The following MARK2 variants were observed in gnomAD, a reference collection of about 807,000 sequenced individuals.
MARK2 encodes the protein serine/threonine-protein kinase MARK2.
Under a neutral mutation model 89.8 loss-of-function variants are expected in MARK2, and 16 were observed. The observed-to-expected ratio is 0.18, with a 90% CI of 0.12 to 0.27. The LOEUF (loss-of-function observed/expected upper bound fraction) is 0.27. Ranked by LOEUF, MARK2 falls within the 10% of genes least tolerant of loss-of-function variation. The pLI is 1.00. For missense variants in MARK2, 621 were observed against 1,049.9 expected, an observed-to-expected ratio of 0.59 and a Z score of 5.65; for synonymous variants, 382 against 399.5, an observed-to-expected ratio of 0.96 and a Z score of 0.52.
chr11:63,851,840 A>G (rs2016587491), intron 1 of MARK2, among the ~76,000 whole-genome samples: 2 of 151,886 alleles, frequency 1.3e-5, no homozygotes, highest in Admixed American at 1.3e-4. Context: ...TAGGGACAGC[A>G]TTCTGGTTTC....
At chr11:63,870,117 C>G (rs924889668) in intron 1 of MARK2, among the ~76,000 whole-genome samples, 10 of 152,176 alleles carry the variant, frequency 6.6e-5, no homozygotes, top group Non-Finnish European at 1.5e-4. Flanking sequence ...AGAAGGCAAG[C>G]TGGGAAAGGA....
chr11:63,876,921 T>G (rs1938793266), intron 1 of MARK2, among the ~76,000 whole-genome samples: 1 of 151,914 alleles, frequency 6.6e-6, no homozygotes, highest in South Asian at 2.1e-4. Context: ...CGAGCTAATC[T>G]CACTGAAGAG....
chr11:63,888,956 T>G (rs777889705), intron 1 of MARK2: 3 of 1,351,646 alleles, frequency 2.2e-6, no homozygotes, highest in Non-Finnish European at 2.9e-6. Flanking sequence ...TTTCCCTTTC[T>G]CCAGTCGGGT....
In MARK2 at chr11:63,909,339, T is replaced by C; in HGVS notation, c.*102T>C. On this transcript the variant is annotated 3_prime_UTR_variant, in exon 19 of 19. Coordinates refer to ENST00000402010, the MANE Select transcript of MARK2 (RefSeq NM_001039469.3). ...GAGACTGCAGCGATGGATTGGTGTG[T>C]CTCCCCTGCTGGCACTTCTCCCCTC... The C allele has an allele frequency of 1.6e-6, 2 of 1,252,388 alleles. No individual in the cohort carries two copies. Among genetic ancestry groups the C allele is most frequent in the Non-Finnish European group, 2.1e-6 (2 of 932,692 alleles). The allele number at this position is 1,252,388 out of a possible 1,614,324, so 77.6% of individuals were successfully genotyped here. A position where few individuals can be genotyped will look rare whatever the true frequency, so the allele number is the denominator to read the frequency against.
intron 1 of MARK2, among the ~76,000 whole-genome samples, chr11:63,871,239 C>T (rs1222547559): frequency 6.6e-6 from 1 of 152,136 alleles, no homozygotes; most frequent in African/African-American, 2.4e-5. Context: ...TGTTGGTGCT[C>T]CCCCCACCGC....
At chr11:63,873,599 A>T (rs951754627) in intron 1 of MARK2, among the ~76,000 whole-genome samples, 1 of 152,102 alleles carries the variant, frequency 6.6e-6, no homozygotes, top group Admixed American at 6.5e-5. Context: ...TGAGGCAGAG[A>T]CCAGCCAGTA....
In MARK2 at chr11:63,899,106, A is replaced by C; in HGVS notation, c.529A>C (p.Lys177Gln). 1 of 1,605,490 alleles carries C rather than the reference A, an allele frequency of 6.2e-7. No individual in the cohort carries two copies. Among genetic ancestry groups the C allele is most frequent in the Non-Finnish European group, 8.5e-7 (1 of 1,173,352 alleles). ...GAAGTTTATTGTCCATAGAGACTTAAAGGTAAGGCATGCACTTCTCCTTGT... is the reference window on the plus strand; with the variant it reads ...GAAGTTTATTGTCCATAGAGACTTACAGGTAAGGCATGCACTTCTCCTTGT... Reference protein sequence around the residue: ...HQKFIVHRDLKAENLLLDADM... With the variant: ...HQKFIVHRDLQAENLLLDADM... Residue 177 changes from lysine to glutamine, a missense_variant and splice_region_variant, in exon 7 of 19, where the codon AAG (lysine) becomes CAG (glutamine). By Grantham distance (53) the Lys-to-Gln change is moderately conservative (BLOSUM62 1). This residue lies in a region of MARK2 where 82 missense variants were observed against 287.7 expected (regional missense o/e 0.29). Transcript: ENST00000402010.
At chr11:63,870,241 G>T (rs1046018265) in intron 1 of MARK2, among the ~76,000 whole-genome samples, 2 of 152,154 alleles carry the variant, frequency 1.3e-5, no homozygotes, top group African/African-American at 4.8e-5. Context: ...GATTTATTTT[G>T]TATTTTGTAT....
intron 1 of MARK2, among the ~76,000 whole-genome samples, chr11:63,879,621 A>G (rs1195002411): frequency 6.6e-6 from 1 of 151,910 alleles, no homozygotes; most frequent in Admixed American, 6.6e-5. Flanking sequence ...CTCTCCCTTC[A>G]GCAGGAGCAG....
At chr11:63,895,122 T>C (rs774543001) in intron 1 of MARK2, 37 bp from the exon 2 acceptor site, 6 of 1,580,334 alleles carry the variant, frequency 3.8e-6, no homozygotes, top group Non-Finnish European at 4.3e-6. Flanking sequence ...GGACTGGAAG[T>C]GTGGCATGTA....
intron 1 of MARK2, among the ~76,000 whole-genome samples, chr11:63,848,366 T>G (rs1327117004): frequency 6.6e-6 from 1 of 152,130 alleles, no homozygotes; most frequent in Non-Finnish European, 1.5e-5. Context: ...GCTGCCTTTT[T>G]TCTCCACCTT....
chr11:63,868,125 C>G (rs1364798020), intron 1 of MARK2, among the ~76,000 whole-genome samples: 1 of 151,988 alleles, frequency 6.6e-6, no homozygotes, highest in Non-Finnish European at 1.5e-5. Flanking sequence ...GGTGTGGTTG[C>G]TTAGGCCTGT....
chr11:63,884,333 G>T (rs1358213429), intron 1 of MARK2, among the ~76,000 whole-genome samples: 1 of 152,196 alleles, frequency 6.6e-6, no homozygotes, highest in Non-Finnish European at 1.5e-5. Flanking sequence ...TTGCATTGTG[G>T]CTTCCAGGCC....
intron 1 of MARK2, chr11:63,850,023 ACTCTAGGT>A (rs11271011): frequency 0.093 from 14,152 of 152,066 alleles, 890 homozygotes; most frequent in South Asian, 0.22. Flanking sequence ...GCACCACACA[ACTCTAGGT>A]CAGTATAAGG....
chr11:63,845,009 C>T (rs1242822792), intron 1 of MARK2, among the ~76,000 whole-genome samples: 3 of 152,094 alleles, frequency 2.0e-5, no homozygotes, highest in Non-Finnish European at 2.9e-5. Context: ...AGGGGGTGGG[C>T]GCCACCTTTG....
In MARK2 at chr11:63,888,560, T is replaced by TCC. The variant is rs971270184; in HGVS notation, c.55-6596_55-6595dup. On this transcript the variant is annotated intron_variant, in intron 1 of 18. Coordinates refer to ENST00000402010, the MANE Select transcript of MARK2 (RefSeq NM_001039469.3). ...TTCTCTGTCTCCCTTCCTGCCCTAT[T>TCC]CCCCTCCTGCCCCTTCCCTCCCACC... 2.8e-6 allele frequency: 3 copies of TCC among 1,074,058 alleles called. No individual in the cohort carries two copies. The African/African-American group carries it at 5.1e-5, about 18-fold the overall frequency. The allele number at this position is 1,074,058 out of a possible 1,614,324, so 66.5% of individuals were successfully genotyped here.
Position 63,902,680 on chromosome 11 carries a change from G to A in MARK2, c.1314G>A (p.Glu438=). ...QSNNAENKRP[E]EDRESGRKAS... ...ACAACGCAGAAAATAAGCGGCCTGA[G>A]GAGGACCGGGAGTCAGGGCGGAAAG... Residue 438 remains glutamate (E), a synonymous_variant, in exon 13 of 19, where the codon GAG becomes GAA. Transcript: ENST00000402010. The surrounding 1 kb of genome is among the most constrained non-coding windows in gnomAD (Gnocchi z 4.2). The A allele has an allele frequency of 1.9e-6, 3 of 1,614,164 alleles. No individual in the cohort carries two copies. The highest frequency in any genetic ancestry group is 1.3e-5 in the African/African-American group (1 of 75,052).
chr11:63,858,714 C>T (rs1028810763), intron 1 of MARK2, among the ~76,000 whole-genome samples: 5 of 152,304 alleles, frequency 3.3e-5, no homozygotes, highest in African/African-American at 1.2e-4. Flanking sequence ...AGCCATTTGA[C>T]GTCATCAGTA....
At chr11:63,863,645 G>A (rs962588263) in intron 1 of MARK2, among the ~76,000 whole-genome samples, 1 of 151,604 alleles carries the variant, frequency 6.6e-6, no homozygotes, top group African/African-American at 2.4e-5. Context: ...TGTATATTTA[G>A]TAGACACAGG....
Sources: allele counts gnomAD v4.1 joint callset (sites outside exome capture counted in the v4.1 genomes callset), GRCh38; gene constraint gnomAD v4.1.1; regional missense constraint gnomAD v4.1.1; non-coding constraint Gnocchi (gnomAD v3.1); transcripts MANE v1.5; gene names NCBI Gene and HGNC (gene_info 2026-07-23, HGNC 2026-07-21).